The following ALK variants were observed in gnomAD, a reference collection of about 807,000 sequenced individuals.
ALK encodes the protein ALK receptor tyrosine kinase, also known as ALK tyrosine kinase receptor.
Under a neutral mutation model 163.1 loss-of-function variants are expected in ALK, and 74 were observed. That is an observed-to-expected ratio of 0.45 (90% CI 0.38 to 0.55). The LOEUF (loss-of-function observed/expected upper bound fraction) is 0.55. ALK is among the 20% of genes least tolerant of loss of function. The probability of loss-of-function intolerance (pLI) is 0.00; values close to 1 mark genes in which losing one functional copy is unlikely to be tolerated. For missense variants in ALK, 2,063 were observed against 2,105.3 expected, an observed-to-expected ratio of 0.98 and a Z score of 0.39; for synonymous variants, 960 against 843.2, an observed-to-expected ratio of 1.14 and a Z score of -2.40.
intron 1 of ALK, among the ~76,000 whole-genome samples, chr2:29,885,694 G>A (rs1414008703): frequency 1.3e-5 from 2 of 152,130 alleles, no homozygotes. Context: ...CCAAACCAGT[G>A]CCAGATGATG....
chr2:29,418,315 ACCTAG>A, intron 4 of ALK, among the ~76,000 whole-genome samples: 1 of 152,100 alleles, frequency 6.6e-6, no homozygotes, highest in East Asian at 1.9e-4. Context: ...GGACTAGAAA[ACCTAG>A]CCCCGAGGTC....
At chr2:29,365,952 C>G (rs913684218) in intron 5 of ALK, among the ~76,000 whole-genome samples, 7 of 152,150 alleles carry the variant, frequency 4.6e-5, no homozygotes, top group African/African-American at 1.7e-4. Context: ...GTTTCTTTTT[C>G]CTGAGCTTTG....
intron 3 of ALK, among the ~76,000 whole-genome samples, chr2:29,594,418 TCTC>T (rs1463009009): frequency 6.7e-6 from 1 of 149,244 alleles, no homozygotes; most frequent in African/African-American, 2.5e-5. Flanking sequence ...ACAAATAAGG[TCTC>T]CTCACTTTTT....
intron 1 of ALK, among the ~76,000 whole-genome samples, chr2:29,768,713 C>CTATGTGTA (rs149394341): frequency 7.0e-6 from 1 of 142,862 alleles, no homozygotes; most frequent in Non-Finnish European, 1.5e-5. Context: ...TTATATATGT[C>CTATGTGTA]TGTGTGTGTG....
chr2:29,338,347 C>A (rs768159796), intron 5 of ALK, among the ~76,000 whole-genome samples: 1 of 152,200 alleles, frequency 6.6e-6, no homozygotes, highest in Admixed American at 6.5e-5. Flanking sequence ...GAGGTCAGCT[C>A]CTTTTTGGTC....
At position 29,343,175 on chromosome 2, in the gene ALK, C is replaced by A. The variant is rs1307649114; in HGVS notation, c.1283-14694G>T. ...GGCTGAGATTACAGGCATGAGCCAC[C>A]GTGCCTGGCCGATCTTTTTTTTAAA... On this transcript the variant is annotated intron_variant, in intron 5 of 28. Transcript: ENST00000389048. Among the ~76,000 whole-genome samples the A allele has an allele frequency of 5.3e-5, 8 of 150,124 alleles. 1 individual carries two copies. In the South Asian group the frequency reaches 1.5e-3, roughly 28 times the overall value.
chr2:29,718,167 T>C (rs1038200502), intron 1 of ALK, among the ~76,000 whole-genome samples: 2 of 152,182 alleles, frequency 1.3e-5, no homozygotes, highest in African/African-American at 2.4e-5. Context: ...CACTCTGAAG[T>C]TATGAGTTCT....
At chr2:29,613,522 G>A (rs1252282951) in intron 3 of ALK, among the ~76,000 whole-genome samples, 1 of 152,204 alleles carries the variant, frequency 6.6e-6, no homozygotes, top group Non-Finnish European at 1.5e-5. Flanking sequence ...ACAGTTCAAT[G>A]GCTTGGGCAC....
At chr2:29,716,789 C>T (rs1183270987) in intron 2 of ALK, among the ~76,000 whole-genome samples, 2 of 151,902 alleles carry the variant, frequency 1.3e-5, no homozygotes, top group Non-Finnish European at 2.9e-5. Flanking sequence ...CTTTAAGGAG[C>T]TTCTTAACTG....
intron 3 of ALK, among the ~76,000 whole-genome samples, chr2:29,654,376 C>T (rs1234342156): frequency 6.7e-6 from 1 of 150,216 alleles, no homozygotes. Context: ...TCCTTTTGTT[C>T]TAGGGAGAGT....
At chr2:29,590,757 A>T (rs1675026542) in intron 3 of ALK, among the ~76,000 whole-genome samples, 1 of 152,006 alleles carries the variant, frequency 6.6e-6, no homozygotes, top group Non-Finnish European at 1.5e-5. Context: ...GTTGAGCCTC[A>T]TCTCTCTCCC....
At chr2:29,395,825 C>T (rs1669290149) in intron 4 of ALK, among the ~76,000 whole-genome samples, 1 of 152,070 alleles carries the variant, frequency 6.6e-6, no homozygotes, top group South Asian at 2.1e-4. Flanking sequence ...TTTTGGGGTC[C>T]CCCTTCTGTC....
At chr2:29,409,409 C>T (rs1020900751) in intron 4 of ALK, among the ~76,000 whole-genome samples, 1 of 152,180 alleles carries the variant, frequency 6.6e-6, no homozygotes, top group African/African-American at 2.4e-5. Context: ...ATCTTCAGCT[C>T]CTGCTCTGGT....
At chr2:29,498,751 A>G (rs1376307706) in intron 4 of ALK, among the ~76,000 whole-genome samples, 1 of 152,238 alleles carries the variant, frequency 6.6e-6, no homozygotes, top group African/African-American at 2.4e-5. Flanking sequence ...TGATTGAGAT[A>G]AGTATGTAAT....
In ALK at chr2:29,301,007, T is replaced by C. The variant is rs189741137; in HGVS notation, c.1648-3950A>G. Among the ~76,000 whole-genome samples, 5 of 152,290 alleles carry C rather than the reference T, an allele frequency of 3.3e-5. No homozygotes were observed. The East Asian group carries it at 9.7e-4, about 29-fold the overall frequency. ...ATGCTGATTACTAAAAAGCCTGTGT[T>C]TTGCATTTTTAAGTGACTGAAGAAC... On this transcript the variant is annotated intron_variant, in intron 8 of 28. Transcript: ENST00000389048.
At chr2:29,349,780 G>A (rs1044644634) in intron 5 of ALK, among the ~76,000 whole-genome samples, 12 of 152,202 alleles carry the variant, frequency 7.9e-5, no homozygotes, top group African/African-American at 2.7e-4. Flanking sequence ...ACCAAACCTA[G>A]GATGTGCCCT....
intron 1 of ALK, among the ~76,000 whole-genome samples, chr2:29,860,868 C>T (rs1342203524): frequency 1.3e-5 from 2 of 152,002 alleles, no homozygotes; most frequent in East Asian, 3.9e-4. Context: ...GCAGCAAAGG[C>T]GATTATAAAA....
chr2:29,823,647 G>A (rs1454414064), intron 1 of ALK, among the ~76,000 whole-genome samples: 2 of 152,212 alleles, frequency 1.3e-5, no homozygotes, highest in Non-Finnish European at 2.9e-5. Flanking sequence ...CCAGAGATTT[G>A]TGGAACTTTG....
chr2:29,737,757 C>G (rs1415588909), intron 1 of ALK, among the ~76,000 whole-genome samples: 2 of 152,118 alleles, frequency 1.3e-5, no homozygotes. Flanking sequence ...CCTTCCCAAT[C>G]TGGTGTCTGT....
Sources: gnomAD v4.1 joint callset for allele counts (sites outside exome capture counted in the v4.1 genomes callset) on GRCh38, gnomAD v4.1.1 for gene constraint, MANE v1.5 for transcripts, NCBI Gene and HGNC (gene_info 2026-07-23, HGNC 2026-07-21) for gene names.